The following ERC2 variants were observed in gnomAD, a reference collection of about 807,000 sequenced individuals.
ERC2 encodes the protein ELKS/RAB6-interacting/CAST family member 2, also known as ERC protein 2.
In ERC2, 42 loss-of-function variants were observed where a neutral mutation model predicts 114.8. That is an observed-to-expected ratio of 0.37 (90% CI 0.29 to 0.47). ERC2 has a LOEUF of 0.47. ERC2 is among the 20% of genes least tolerant of loss of function. ERC2 has a pLI of 0.99. For synonymous variants in ERC2, 454 were observed against 425.5 expected, an observed-to-expected ratio of 1.07 and a Z score of -0.82; for missense variants, 939 against 1,150.7, an observed-to-expected ratio of 0.82 and a Z score of 2.66.
At chr3:56,254,828 G>C (rs916477602) in intron 3 of ERC2, among the ~76,000 whole-genome samples, 5 of 152,084 alleles carry the variant, frequency 3.3e-5, no homozygotes, top group Non-Finnish European at 7.4e-5. Flanking sequence ...CCCAAATTAA[G>C]TGTAATAATA....
intron 14 of ERC2, among the ~76,000 whole-genome samples, chr3:55,767,316 G>A (rs1210430827): frequency 2.0e-5 from 3 of 152,128 alleles, no homozygotes; most frequent in Non-Finnish European, 4.4e-5. Flanking sequence ...TTTTTCCATT[G>A]CTAACATATC....
intron 17 of ERC2, among the ~76,000 whole-genome samples, chr3:55,565,266 T>A (rs554871691): frequency 6.6e-6 from 1 of 152,246 alleles, no homozygotes; most frequent in Non-Finnish European, 1.5e-5. Context: ...GTGATGTATA[T>A]AAAATATCCA....
chr3:56,273,892 A>T (rs2053823539), intron 3 of ERC2, among the ~76,000 whole-genome samples: 1 of 152,234 alleles, frequency 6.6e-6, no homozygotes, highest in Non-Finnish European at 1.5e-5. Flanking sequence ...CATGATAAAA[A>T]TGGTGCCCTC....
chr3:55,945,519 A>G (rs1402820268), intron 13 of ERC2, among the ~76,000 whole-genome samples: 1 of 152,186 alleles, frequency 6.6e-6, no homozygotes, highest in Non-Finnish European at 1.5e-5. Flanking sequence ...AACCTTGGGA[A>G]CTCCATAATG....
intron 13 of ERC2, among the ~76,000 whole-genome samples, chr3:55,940,841 C>A (rs184866066): frequency 6.6e-6 from 1 of 152,068 alleles, no homozygotes; most frequent in Non-Finnish European, 1.5e-5. Context: ...ACCCCGTTAC[C>A]CAAGTTTATG....
intron 2 of ERC2, among the ~76,000 whole-genome samples, chr3:56,402,809 C>G (rs940261673): frequency 1.3e-5 from 2 of 152,074 alleles, no homozygotes; most frequent in African/African-American, 4.8e-5. Context: ...TTTTTCTACT[C>G]TATTTTTAAT....
intron 14 of ERC2, among the ~76,000 whole-genome samples, chr3:55,886,348 A>T (rs896220991): frequency 1.3e-5 from 2 of 152,222 alleles, no homozygotes; most frequent in African/African-American, 4.8e-5. Flanking sequence ...TTTAATCTCC[A>T]TTCAAAAATC....
intron 14 of ERC2, among the ~76,000 whole-genome samples, chr3:55,837,582 C>A (rs1431005387): frequency 3.8e-5 from 5 of 130,494 alleles, no homozygotes; most frequent in Non-Finnish European, 7.7e-5. Flanking sequence ...GGAAGGGGAA[C>A]ATCACACTCT....
At chr3:55,542,963 G>A (rs886441312) in intron 17 of ERC2, among the ~76,000 whole-genome samples, 2 of 152,158 alleles carry the variant, frequency 1.3e-5, no homozygotes, top group Non-Finnish European at 1.5e-5. Flanking sequence ...GGAATCCTCT[G>A]CAGGGATTCC....
intron 17 of ERC2, among the ~76,000 whole-genome samples, chr3:55,625,769 A>C (rs56242225): frequency 0.13 from 20,536 of 152,210 alleles, 1,790 homozygotes; most frequent in Non-Finnish European, 0.19. Context: ...AAAAAAGAAG[A>C]GGGAGGAAAA....
chr3:56,320,423 C>T (rs1203863554), intron 2 of ERC2, among the ~76,000 whole-genome samples: 1 of 152,216 alleles, frequency 6.6e-6, no homozygotes, highest in African/African-American at 2.4e-5. Context: ...TTACCACTGA[C>T]ATAATCCACC....
intron 14 of ERC2, among the ~76,000 whole-genome samples, chr3:55,744,840 C>T (rs1159709322): frequency 6.6e-6 from 1 of 152,212 alleles, no homozygotes; most frequent in African/African-American, 2.4e-5. Context: ...AACTTGCAGT[C>T]AAGACCCTCT....
intron 17 of ERC2, among the ~76,000 whole-genome samples, chr3:55,558,984 C>T (rs1356112300): frequency 6.6e-6 from 1 of 152,222 alleles, no homozygotes; most frequent in Non-Finnish European, 1.5e-5. Context: ...AGTCCCACAG[C>T]AAGGTCTGGA....
chr3:55,916,967 C>G (rs924799523), intron 13 of ERC2, among the ~76,000 whole-genome samples: 2 of 152,036 alleles, frequency 1.3e-5, no homozygotes, highest in Middle Eastern at 6.8e-3. Flanking sequence ...TTTTTTTGCA[C>G]TAAAGTGCAA....
At chr3:56,035,879 T>C in intron 7 of ERC2, among the ~76,000 whole-genome samples, 1 of 152,142 alleles carries the variant, frequency 6.6e-6, no homozygotes, top group South Asian at 2.1e-4. Context: ...AGCATTACCC[T>C]GATACCAAAG....
rs572917852 is a variant in ERC2 at position 56,449,151 on chromosome 3, C to G, written c.-140-14004G>C. Among the ~76,000 whole-genome samples the G allele has an allele frequency of 2.0e-5, 3 of 151,766 alleles. No homozygotes were observed. The South Asian group carries it at 6.2e-4, about 32-fold the overall frequency. On this transcript the variant is annotated intron_variant, in intron 1 of 17. Coordinates refer to ENST00000288221, the MANE Select transcript of ERC2 (RefSeq NM_015576.3). ...TGCTGACACCTGATCTGTAACGTCA[C>G]ACATATGTGCCCCTCCACAACCCTA...
chr3:55,605,192 T>A (rs981298505), intron 17 of ERC2, among the ~76,000 whole-genome samples: 2 of 152,130 alleles, frequency 1.3e-5, no homozygotes, highest in African/African-American at 4.8e-5. Context: ...CATGGCTCAG[T>A]GCAGCCTTGA....
intron 2 of ERC2, among the ~76,000 whole-genome samples, chr3:56,411,051 G>GAAAAAAA (rs61081379): frequency 3.7e-5 from 3 of 82,154 alleles, no homozygotes; most frequent in African/African-American, 1.2e-4. Context: ...AATTATCTCA[G>GAAAAAAA]AAAAAAAAAA....
intron 6 of ERC2, among the ~76,000 whole-genome samples, chr3:56,115,079 G>T (rs1271997452): frequency 6.6e-6 from 1 of 152,120 alleles, no homozygotes; most frequent in Non-Finnish European, 1.5e-5. Flanking sequence ...TGGATCAGCT[G>T]GTGCCACTAA....
Sources: gnomAD v4.1 joint callset for allele counts (sites outside exome capture counted in the v4.1 genomes callset) on GRCh38, gnomAD v4.1.1 for gene constraint, MANE v1.5 for transcripts, NCBI Gene and HGNC (gene_info 2026-07-23, HGNC 2026-07-21) for gene names.